The following ARHGEF37 variants were observed in gnomAD, a reference collection of about 807,000 sequenced individuals.
ARHGEF37 encodes the protein Rho guanine nucleotide exchange factor 37, also known as Rho guanine nucleotide exchange factor (GEF) 37.
Under a neutral mutation model 71.1 loss-of-function variants are expected in ARHGEF37, and 55 were observed. The observed-to-expected ratio is 0.77, with a 90% confidence interval of 0.62 to 0.97. The LOEUF (loss-of-function observed/expected upper bound fraction) is 0.97, where lower values mean the gene tolerates loss of function less well. ARHGEF37 is among the 50% of genes least tolerant of loss of function. The pLI is 0.00. For missense variants in ARHGEF37, 765 were observed against 836.8 expected (o/e 0.91, Z 1.06); for synonymous variants, 327 against 350.6 (o/e 0.93, Z 0.75).
chr5:149,590,236 C>A, intron 1 of ARHGEF37, among the ~76,000 whole-genome samples: 1 of 151,490 alleles, frequency 6.6e-6, no homozygotes, highest in African/African-American at 2.4e-5. Context: ...GTTCTAGAAT[C>A]AGAAGCAGTA....
At position 149,601,191 on chromosome 5, in the gene ARHGEF37, G is replaced by A. The variant is rs1430036143; in HGVS notation, c.270G>A (p.Gln90=). The A allele has an allele frequency of 1.9e-6, 3 of 1,613,214 alleles. No individual in the cohort carries two copies. Among genetic ancestry groups the A allele is most frequent in the Admixed American group, 1.7e-5 (1 of 60,002 alleles). The change falls in exon 3 of 13, where the codon CAG becomes CAA. Residue 90 remains glutamine (Q), a synonymous_variant. Transcript: ENST00000333677. ...KVNSRFLHDL[Q]ETASKEEEQV... is the part of the protein sequence containing the mutation. ...ACAGCAGATTCCTCCATGATCTGCA[G>A]GAGACAGCCTCCAAGGAAGAGGAAC...
intron 10 of ARHGEF37, among the ~76,000 whole-genome samples, 162 bp downstream of exon 10, chr5:149,624,302 G>T (rs4320246): frequency 0.034 from 5,161 of 152,144 alleles, 291 homozygotes; most frequent in African/African-American, 0.11. Context: ...GAGCTGGGGT[G>T]GGGGGACACA....
At chr5:149,596,842 A>G (rs2113301310) in intron 1 of ARHGEF37, among the ~76,000 whole-genome samples, 1 of 152,326 alleles carries the variant, frequency 6.6e-6, no homozygotes, top group East Asian at 1.9e-4. Context: ...GAGGAAATGA[A>G]GTTAGAGCCT....
At chr5:149,575,490 T>C (rs1041931708) in intron 1 of ARHGEF37, among the ~76,000 whole-genome samples, 1 of 152,124 alleles carries the variant, frequency 6.6e-6, no homozygotes, top group Non-Finnish European at 1.5e-5. Context: ...AGGCCAGTGA[T>C]TGGTTTAGCT....
chr5:149,556,228 C>CT (rs1368209043), intron 1 of ARHGEF37, among the ~76,000 whole-genome samples: 1 of 152,130 alleles, frequency 6.6e-6, no homozygotes, highest in African/African-American at 2.4e-5. Flanking sequence ...GAGTCTCACT[C>CT]TGTCGCCCAG....
At chr5:149,626,356 G>T (rs1257700454) in intron 10 of ARHGEF37, among the ~76,000 whole-genome samples, 1 of 152,030 alleles carries the variant, frequency 6.6e-6, no homozygotes, top group South Asian at 2.1e-4. Flanking sequence ...TGCAAAAAGA[G>T]GACAAGCATC....
At chr5:149,625,910 C>T (rs776842342) in intron 10 of ARHGEF37, among the ~76,000 whole-genome samples, 3 of 152,150 alleles carry the variant, frequency 2.0e-5, no homozygotes, top group Non-Finnish European at 4.4e-5. Context: ...CCAGGGGTGA[C>T]GCTGTTCTCT....
At position 149,618,188 on chromosome 5, in the gene ARHGEF37, C is replaced by G; in HGVS notation, c.671C>G (p.Thr224Ser). 6.2e-7 allele frequency: 1 copy of G among 1,614,192 alleles called. No individual in the cohort carries two copies. The highest frequency in any genetic ancestry group is 8.5e-7 in the Non-Finnish European group (1 of 1,180,020). ...TCTGTCGTTGCAGCCTCCAAGTACA[C>G]CAAGGTAGAGCAGCTGACCCTCCGG... Reference protein sequence around the residue: ...KMRKEVASKYTKVEQLTLRER... With the variant: ...KMRKEVASKYSKVEQLTLRER... The change falls in exon 6 of 13, where the codon ACC (threonine) becomes AGC (serine). Residue 224 changes from threonine (T) to serine (S), a missense_variant. Thr to Ser is a moderately conservative substitution (Grantham distance 58, BLOSUM62 1). This residue lies in a region of ARHGEF37 where 167 missense variants were observed against 173.3 expected (regional missense o/e 0.96). Transcript: ENST00000333677.
Position 149,597,778 on chromosome 5 carries a change from G to T in ARHGEF37, c.9G>T (p.Lys3Asn). 1 of 1,561,382 alleles carries T rather than the reference G, an allele frequency of 6.4e-7. No individual in the cohort carries two copies. The highest frequency in any genetic ancestry group is 1.2e-5 in the South Asian group (1 of 83,642). Residue 3 changes from lysine (K) to asparagine (N), a missense_variant, in exon 2 of 13, where the codon AAG (lysine) becomes AAT (asparagine). Physicochemically the swap from Lys to Asn is moderately conservative, Grantham distance 94. This residue lies in a region of ARHGEF37 where 201 missense variants were observed against 217.5 expected (regional missense o/e 0.92). Coordinates refer to ENST00000333677, the MANE Select transcript of ARHGEF37 (RefSeq NM_001001669.3). MAKHGADEPSSRS... is the reference protein window; with the variant it reads MANHGADEPSSRS... ...TCCCAGAACCTGCTGACATGGCCAAGCATGGAGCCGACGAGCCATCCTCCA... is the reference window on the plus strand; with the variant it reads ...TCCCAGAACCTGCTGACATGGCCAATCATGGAGCCGACGAGCCATCCTCCA...
chr5:149,615,239 C>T (rs1050160608), intron 4 of ARHGEF37, among the ~76,000 whole-genome samples: 3 of 151,182 alleles, frequency 2.0e-5, no homozygotes, highest in Non-Finnish European at 4.4e-5. Flanking sequence ...AGTGTATCCT[C>T]GTACTCCTGG....
intron 1 of ARHGEF37, among the ~76,000 whole-genome samples, chr5:149,562,441 TTTTA>T (rs536945507): frequency 4.0e-5 from 6 of 151,720 alleles, no homozygotes; most frequent in Non-Finnish European, 5.9e-5. Flanking sequence ...TTTTTATTAT[TTTTA>T]TTTATTTATT....
At chr5:149,619,946 G>A (rs902463887) in intron 7 of ARHGEF37, among the ~76,000 whole-genome samples, 9 of 151,976 alleles carry the variant, frequency 5.9e-5, no homozygotes, top group Non-Finnish European at 4.4e-5. Context: ...GGTGTCACAC[G>A]CCTGTAGTCC....
intron 3 of ARHGEF37, among the ~76,000 whole-genome samples, chr5:149,603,326 C>T (rs552904349): frequency 6.6e-6 from 1 of 152,268 alleles, no homozygotes; most frequent in African/African-American, 2.4e-5. Flanking sequence ...CACTTCATCT[C>T]AAAATAACCC....
chr5:149,589,374 C>T (rs1414463873), intron 1 of ARHGEF37, among the ~76,000 whole-genome samples: 2 of 151,996 alleles, frequency 1.3e-5, no homozygotes, highest in South Asian at 4.2e-4. Context: ...GTTGTCCAGG[C>T]TGGAGTGCAG....
chr5:149,597,002 T>C (rs959963342), intron 1 of ARHGEF37, among the ~76,000 whole-genome samples: 2 of 151,894 alleles, frequency 1.3e-5, no homozygotes, highest in Non-Finnish European at 2.9e-5. Flanking sequence ...ATGGGTGTGG[T>C]GGTGGCAGGA....
In ARHGEF37 at chr5:149,609,625, C is replaced by A; in HGVS notation, c.388C>A (p.Leu130Ile). The A allele has an allele frequency of 6.2e-7, 1 of 1,613,580 alleles. No individual in the cohort carries two copies. The highest frequency in any genetic ancestry group is 8.5e-7 in the Non-Finnish European group (1 of 1,180,030). The part of the protein sequence containing the change: ...VYCASYDQAL[L>I]LVDTYRKEPE... Reference sequence around the variant, plus strand: ...CTGTGCCAGCTACGACCAGGCCTTGCTACTGGTGGACACGTACCGGAAGGA... The same window carrying A: ...CTGTGCCAGCTACGACCAGGCCTTGATACTGGTGGACACGTACCGGAAGGA... The change falls in exon 4 of 13, where the codon CTA (leucine) becomes ATA (isoleucine). Residue 130 changes from leucine (L) to isoleucine (I), a missense_variant. Physicochemically the swap from Leu to Ile is conservative, Grantham distance 5. Transcript: ENST00000333677.
intron 4 of ARHGEF37, among the ~76,000 whole-genome samples, chr5:149,614,215 G>C (rs111790943): frequency 2.0e-5 from 3 of 151,798 alleles, no homozygotes; most frequent in African/African-American, 7.2e-5. Context: ...CTTTATCTTT[G>C]CTCACTTGGG....
chr5:149,628,591 T>C (rs901118252), intron 11 of ARHGEF37, among the ~76,000 whole-genome samples: 1 of 152,216 alleles, frequency 6.6e-6, no homozygotes. Context: ...GGGAGTCGTC[T>C]GTCCGGTAGG....
In ARHGEF37 at chr5:149,587,897, T is replaced by C. The variant is rs929691791; in HGVS notation, c.-12+6273T>C. Among the ~76,000 whole-genome samples, 759 of 80,350 alleles carry C rather than the reference T, an allele frequency of 9.4e-3. 13 individuals are homozygous for C. Among genetic ancestry groups the C allele is most frequent in the African/African-American group, 0.042 (659 of 15,768 alleles). The allele number at this position is 80,350 out of a possible 152,430, so 52.7% of individuals were successfully genotyped here. A position where few individuals can be genotyped will look rare whatever the true frequency, so the allele number is the denominator to read the frequency against. ...GTAGGTCTTCCCTCCCTTTAGTCTT[T>C]TTTTTTTTTTTTTTTTGGAGACAAA... On this transcript the variant is annotated intron_variant, in intron 1 of 12. Coordinates refer to ENST00000333677, the MANE Select transcript of ARHGEF37 (RefSeq NM_001001669.3).
Sources: gnomAD v4.1 joint callset for allele counts (sites outside exome capture counted in the v4.1 genomes callset) on GRCh38, gnomAD v4.1.1 for gene constraint, gnomAD v4.1.1 regional missense constraint, MANE v1.5 for transcripts, NCBI Gene and HGNC (gene_info 2026-07-23, HGNC 2026-07-21) for gene names.